EPB41L4B: variants seen among roughly 807,000 people sequenced by gnomAD.
The protein encoded by EPB41L4B is erythrocyte membrane protein band 4.1 like 4B.
Under a neutral mutation model 112.5 loss-of-function variants are expected in EPB41L4B, and 30 were observed. The ratio of observed to expected loss-of-function variants is 0.27; its 90% CI spans 0.20 to 0.36. The LOEUF (loss-of-function observed/expected upper bound fraction) is 0.36, where lower values mean the gene tolerates loss of function less well. Ranked by LOEUF, EPB41L4B falls within the 10% of genes least tolerant of loss-of-function variation. The pLI, the probability that EPB41L4B is intolerant of heterozygous loss-of-function variation, is 1.00. For missense variants in EPB41L4B, 1,024 were observed against 1,133.3 expected (o/e 0.90, Z 1.38); for synonymous variants, 408 against 439.7 (o/e 0.93, Z 0.90).
At chr9:109,288,401 A>G (rs1189131847) in intron 1 of EPB41L4B, among the ~76,000 whole-genome samples, 1 of 152,112 alleles carries the variant, frequency 6.6e-6, no homozygotes, top group Non-Finnish European at 1.5e-5. Context: ...TGGGCAAGAC[A>G]GGGAAACCCC....
At chr9:109,282,347 A>C (rs1359677598) in intron 1 of EPB41L4B, among the ~76,000 whole-genome samples, 1 of 152,236 alleles carries the variant, frequency 6.6e-6, no homozygotes, top group Non-Finnish European at 1.5e-5. Flanking sequence ...AACTCTGTGA[A>C]TACACTAAAA....
At chr9:109,264,166 T>A (rs1374887071) in intron 5 of EPB41L4B, among the ~76,000 whole-genome samples, 1 of 152,242 alleles carries the variant, frequency 6.6e-6, no homozygotes, top group Non-Finnish European at 1.5e-5. Context: ...ATCTACTTGT[T>A]CTATTGGTCT....
intron 1 of EPB41L4B, among the ~76,000 whole-genome samples, chr9:109,307,718 A>C (rs1020777410): frequency 6.6e-6 from 1 of 152,178 alleles, no homozygotes; most frequent in South Asian, 2.1e-4. Context: ...AGGCTTTTAC[A>C]GTCTACCGGC....
intron 25 of EPB41L4B, among the ~76,000 whole-genome samples, chr9:109,175,606 A>G (rs1831797214): frequency 6.6e-6 from 1 of 151,490 alleles, no homozygotes; most frequent in Non-Finnish European, 1.5e-5. Context: ...TCCTGGCCTC[A>G]ACTGATCCTC....
intron 15 of EPB41L4B, among the ~76,000 whole-genome samples, chr9:109,234,317 TCAAGTGCA>T (rs1834062755): frequency 6.6e-6 from 1 of 152,238 alleles, no homozygotes; most frequent in Non-Finnish European, 1.5e-5. Context: ...ATAGATTTGT[TCAAGTGCA>T]CAAACACAAG....
At chr9:109,300,862 T>A (rs1292803045) in intron 1 of EPB41L4B, 1 of 152,180 alleles carries the variant, frequency 6.6e-6, no homozygotes, top group East Asian at 1.9e-4. Context: ...CTATCCTATA[T>A]GTGAAATCAG....
chr9:109,317,649 G>A (rs1837682871), intron 1 of EPB41L4B, among the ~76,000 whole-genome samples: 2 of 152,246 alleles, frequency 1.3e-5, no homozygotes, highest in Non-Finnish European at 2.9e-5. Context: ...GAATTCTCAA[G>A]GCTAACGCCG....
chr9:109,174,915 T>A (rs1003149913), intron 25 of EPB41L4B, among the ~76,000 whole-genome samples: 3 of 136,132 alleles, frequency 2.2e-5, no homozygotes, highest in Admixed American at 7.4e-5. Flanking sequence ...GTAAAGTGTT[T>A]TTTTTTTTTT....
chr9:109,223,627 G>A (rs1210493370), intron 15 of EPB41L4B, among the ~76,000 whole-genome samples: 1 of 152,022 alleles, frequency 6.6e-6, no homozygotes, highest in Admixed American at 6.6e-5. Context: ...GGGAGCCCTG[G>A]GGATCTAATC....
intron 1 of EPB41L4B, among the ~76,000 whole-genome samples, chr9:109,296,828 G>A (rs1588221023): frequency 6.7e-6 from 1 of 149,294 alleles, no homozygotes; most frequent in African/African-American, 2.5e-5. Flanking sequence ...GTTTGAGGCT[G>A]CAGTAAGCTA....
intron 1 of EPB41L4B, among the ~76,000 whole-genome samples, chr9:109,308,380 T>A (rs1404624427): frequency 6.6e-6 from 1 of 152,038 alleles, no homozygotes; most frequent in South Asian, 2.1e-4. Context: ...ATGTTGAGGA[T>A]GCAATCAACA....
chr9:109,213,876 G>C, intron 16 of EPB41L4B, 58 bp from the exon 17 acceptor site: 3 of 1,498,834 alleles, frequency 2.0e-6, no homozygotes, highest in Admixed American at 3.4e-5. Context: ...ATAGATACAG[G>C]GGAAAAGGGA....
intron 16 of EPB41L4B, among the ~76,000 whole-genome samples, chr9:109,216,431 A>G (rs1256581937): frequency 6.6e-6 from 1 of 152,186 alleles, no homozygotes; most frequent in East Asian, 1.9e-4. Context: ...ACCTGAAGTC[A>G]GGAGTTTGAG....
intron 1 of EPB41L4B, among the ~76,000 whole-genome samples, chr9:109,301,700 T>C (rs1244609507): frequency 6.6e-6 from 1 of 152,252 alleles, no homozygotes; most frequent in Non-Finnish European, 1.5e-5. Context: ...TAATCTCATG[T>C]AGACACATCT....
chr9:109,267,347 CTAA>C, intron 4 of EPB41L4B, 123 bp downstream of exon 4: 1 of 605,782 alleles, frequency 1.7e-6, no homozygotes, highest in Non-Finnish European at 3.0e-6. Flanking sequence ...CGGAAAAGTA[CTAA>C]TAACTCTTGC....
chr9:109,229,814 C>A (rs1293612718), intron 15 of EPB41L4B, among the ~76,000 whole-genome samples: 3 of 152,136 alleles, frequency 2.0e-5, no homozygotes, highest in Non-Finnish European at 4.4e-5. Flanking sequence ...GTGGGCAGGA[C>A]ATGGGGAGCC....
chr9:109,297,149 T>C (rs1836761693), intron 1 of EPB41L4B, among the ~76,000 whole-genome samples: 1 of 126,816 alleles, frequency 7.9e-6, no homozygotes, highest in Non-Finnish European at 1.6e-5. Context: ...CAGGGACACA[T>C]ACGCAGGGGA....
intron 7 of EPB41L4B, among the ~76,000 whole-genome samples, chr9:109,257,967 G>C (rs1835047262): frequency 6.6e-6 from 1 of 152,184 alleles, no homozygotes; most frequent in East Asian, 1.9e-4. Flanking sequence ...CTGCACTCTG[G>C]CCTGGGCAAC....
rs559876185 is a variant in EPB41L4B at position 109,199,081 on chromosome 9, G to T, written c.2045+1155C>A. On this transcript the variant is annotated intron_variant, in intron 20 of 25. Transcript: ENST00000374566. ...CAGTAAAGTGTGAGTCTTTGGATGGGAATTGTCAAAGTCACTTTACTATTC... is the reference window on the plus strand; with the variant it reads ...CAGTAAAGTGTGAGTCTTTGGATGGTAATTGTCAAAGTCACTTTACTATTC... Among the ~76,000 whole-genome samples, 54 of 152,162 alleles carry T rather than the reference G, an allele frequency of 3.5e-4. No individual in the cohort carries two copies. In the South Asian group the frequency reaches 7.7e-3, roughly 22 times the overall value.
Sources: allele counts gnomAD v4.1 joint callset (sites outside exome capture counted in the v4.1 genomes callset), GRCh38; gene constraint gnomAD v4.1.1; transcripts MANE v1.5; gene names NCBI Gene and HGNC (gene_info 2026-07-23, HGNC 2026-07-21).